UNC5C: variants seen among roughly 807,000 people sequenced by gnomAD.
The protein encoded by UNC5C is netrin receptor UNC5C.
UNC5C carries 47 observed loss-of-function variants against 99.8 expected under a neutral mutation model. The ratio of observed to expected loss-of-function variants is 0.47; its 90% CI spans 0.37 to 0.60. The LOEUF is 0.60. UNC5C is among the 20% of genes least tolerant of loss of function. UNC5C has a pLI of 0.00. For missense variants in UNC5C, 1,062 were observed against 1,165.9 expected (o/e 0.91, Z 1.30); for synonymous variants, 487 against 452.2 (o/e 1.08, Z -0.98).
At chr4:95,243,109 C>T (rs1225150149) in intron 6 of UNC5C, among the ~76,000 whole-genome samples, 1 of 152,134 alleles carries the variant, frequency 6.6e-6, no homozygotes, top group Non-Finnish European at 1.5e-5. Flanking sequence ...CTTTCAACTG[C>T]ATTTTATATA....
At chr4:95,247,785 T>C (rs1237401712) in intron 5 of UNC5C, among the ~76,000 whole-genome samples, 1 of 152,192 alleles carries the variant, frequency 6.6e-6, no homozygotes, top group Non-Finnish European at 1.5e-5. Flanking sequence ...ATAATATACA[T>C]AGGAAGAGAT....
At chr4:95,386,909 A>G (rs1217720749) in intron 1 of UNC5C, among the ~76,000 whole-genome samples, 1 of 152,198 alleles carries the variant, frequency 6.6e-6, no homozygotes, top group African/African-American at 2.4e-5. Flanking sequence ...ATATAAGATT[A>G]GAAACCTATA....
chr4:95,213,473 AC>A (rs150722425), intron 10 of UNC5C, among the ~76,000 whole-genome samples: 4,815 of 152,220 alleles, frequency 0.032, 251 homozygotes, highest in African/African-American at 0.11. Flanking sequence ...TTGGTCAGAG[AC>A]CGCTTGTCCC....
chr4:95,332,630 C>T (rs1477945700), intron 2 of UNC5C, among the ~76,000 whole-genome samples: 1 of 150,880 alleles, frequency 6.6e-6, no homozygotes, highest in Non-Finnish European at 1.5e-5. Context: ...AGAAGAAAAC[C>T]TAGGCATTAC....
chr4:95,267,924 A>G (rs1740506418), intron 4 of UNC5C, among the ~76,000 whole-genome samples: 1 of 146,886 alleles, frequency 6.8e-6, no homozygotes, highest in Non-Finnish European at 1.5e-5. Context: ...CACCTTCAAT[A>G]TGATCCTGTA....
At chr4:95,290,111 C>T (rs1026027589) in intron 3 of UNC5C, among the ~76,000 whole-genome samples, 1 of 151,832 alleles carries the variant, frequency 6.6e-6, no homozygotes, top group African/African-American at 2.4e-5. Flanking sequence ...TGGAATCAAC[C>T]TGAGCAACAA....
Position 95,284,705 on chromosome 4 carries a change from G to T in UNC5C, c.491-6343C>A, listed in dbSNP as rs550262756. On this transcript the variant is annotated intron_variant, in intron 3 of 15. Transcript: ENST00000453304. ...AGCAGATGAAAATTCAGGCCCTGAT[G>T]ATTGTAAATGCACTAAGAATTATTT... Among the ~76,000 whole-genome samples the T allele has an allele frequency of 2.8e-4, 43 of 152,294 alleles. 1 individual carries two copies. The South Asian group carries it at 8.9e-3, about 32-fold the overall frequency.
Position 95,335,398 on chromosome 4 carries a change from T to A in UNC5C, c.346+12A>T. The stretch of plus-strand genomic sequence containing the variant: ...ATCTTGAAGTGCAATGCAAATGCAA[T>A]GGAAAACTCACCGGAAGTTTCATCT... On this transcript the variant is annotated intron_variant, in intron 2 of 15. Coordinates refer to ENST00000453304, the MANE Select transcript of UNC5C (RefSeq NM_003728.4). The A allele has an allele frequency of 5.0e-6, 8 of 1,608,126 alleles. No individual in the cohort carries two copies. The highest frequency in any genetic ancestry group is 6.8e-6 in the Non-Finnish European group (8 of 1,175,950).
At chr4:95,533,267 C>T (rs1019368926) in intron 1 of UNC5C, among the ~76,000 whole-genome samples, 1 of 151,678 alleles carries the variant, frequency 6.6e-6, no homozygotes, top group Admixed American at 6.6e-5. Flanking sequence ...GGCATGGTGG[C>T]GGGCGTCTGT....
chr4:95,307,283 C>T (rs1196860990), intron 2 of UNC5C, among the ~76,000 whole-genome samples: 1 of 151,988 alleles, frequency 6.6e-6, no homozygotes, highest in Non-Finnish European at 1.5e-5. Flanking sequence ...TATAAGCAAA[C>T]TATATAATTT....
At chr4:95,347,362 C>G (rs1743814318) in intron 1 of UNC5C, among the ~76,000 whole-genome samples, 1 of 151,870 alleles carries the variant, frequency 6.6e-6, no homozygotes, top group South Asian at 2.1e-4. Flanking sequence ...CAATGCAATC[C>G]TTATCAAAAT....
At chr4:95,360,435 C>T (rs372753744) in intron 1 of UNC5C, among the ~76,000 whole-genome samples, 2 of 152,158 alleles carry the variant, frequency 1.3e-5, no homozygotes, top group East Asian at 3.9e-4. Flanking sequence ...AACTGCTCCA[C>T]AGAGTAAGAG....
At chr4:95,499,652 AG>A (rs2149483979) in intron 1 of UNC5C, among the ~76,000 whole-genome samples, 1 of 152,232 alleles carries the variant, frequency 6.6e-6, no homozygotes, top group Non-Finnish European at 1.5e-5. Context: ...GGAGGAGCAC[AG>A]GAGTCAATTA....
intron 3 of UNC5C, among the ~76,000 whole-genome samples, chr4:95,299,915 G>C (rs1036107811): frequency 6.6e-6 from 1 of 152,164 alleles, no homozygotes; most frequent in African/African-American, 2.4e-5. Context: ...TGGTAACAGG[G>C]AGGAAGGGCT....
intron 14 of UNC5C, among the ~76,000 whole-genome samples, chr4:95,170,769 G>A (rs1237596091): frequency 6.6e-6 from 1 of 152,348 alleles, no homozygotes; most frequent in East Asian, 1.9e-4. Context: ...GAAACAGCCT[G>A]ACCTTGAGGA....
intron 1 of UNC5C, among the ~76,000 whole-genome samples, chr4:95,545,534 A>G (rs1021012346): frequency 1.3e-5 from 2 of 152,004 alleles, no homozygotes; most frequent in Non-Finnish European, 2.9e-5. Flanking sequence ...ACTCTTTTGT[A>G]GGAAGACATA....
At chr4:95,541,024 GAATT>G (rs1429765983) in intron 1 of UNC5C, among the ~76,000 whole-genome samples, 1 of 152,058 alleles carries the variant, frequency 6.6e-6, no homozygotes, top group Non-Finnish European at 1.5e-5. Context: ...AAAGATATTA[GAATT>G]ATTTAAAATA....
chr4:95,417,418 C>A (rs940087384), intron 1 of UNC5C, among the ~76,000 whole-genome samples: 1 of 152,280 alleles, frequency 6.6e-6, no homozygotes, highest in Non-Finnish European at 1.5e-5. Flanking sequence ...TGACATCATG[C>A]ACTTGTTGCA....
intron 10 of UNC5C, among the ~76,000 whole-genome samples, chr4:95,209,557 C>G (rs1477177964): frequency 6.6e-6 from 1 of 152,176 alleles, no homozygotes; most frequent in Non-Finnish European, 1.5e-5. Flanking sequence ...CTTTAAATAA[C>G]AATACCCTTT....
Sources: allele counts gnomAD v4.1 joint callset (sites outside exome capture counted in the v4.1 genomes callset), GRCh38; gene constraint gnomAD v4.1.1; transcripts MANE v1.5; gene names NCBI Gene and HGNC (gene_info 2026-07-23, HGNC 2026-07-21).